The following IRX3 variants were observed in gnomAD, a reference collection of about 807,000 sequenced individuals.
IRX3 encodes the protein iroquois-class homeodomain protein IRX-3.
A neutral mutation model predicts 36.4 loss-of-function variants in IRX3; 20 were observed. The observed-to-expected ratio is 0.55, with a 90% confidence interval of 0.39 to 0.80. The LOEUF is 0.80. Among genes scored for constraint, IRX3 ranks in the 30% least tolerant of loss-of-function variants. The probability of loss-of-function intolerance (pLI) is 0.00; values close to 1 mark genes in which losing one functional copy is unlikely to be tolerated. For missense variants in IRX3, 718 were observed against 733.2 expected, an observed-to-expected ratio of 0.98 and a Z score of 0.24; for synonymous variants, 404 against 351.6, an observed-to-expected ratio of 1.15 and a Z score of -1.67.
chr16:54,283,897 T>C lies in IRX3; in HGVS notation c.1452-157A>G. 2 of 985,358 alleles carry C rather than the reference T, an allele frequency of 2.0e-6. No individual in the cohort carries two copies. Among genetic ancestry groups the C allele is most frequent in the Non-Finnish European group, 2.4e-6 (2 of 829,910 alleles). The allele number at this position is 985,358 out of a possible 1,614,324, so 61.0% of individuals were successfully genotyped here. A position where few individuals can be genotyped will look rare whatever the true frequency, so the allele number is the denominator to read the frequency against. On this transcript the variant is annotated intron_variant, in intron 3 of 3. Coordinates refer to ENST00000329734, the MANE Select transcript of IRX3 (RefSeq NM_024336.3). This position sits in a 1 kb window ranked among gnomAD's most constrained non-coding sequence, Gnocchi z 4.4. The stretch of plus-strand genomic sequence containing the variant: ...GTAGATGTGTGTGTTGGGGTTTAAC[T>C]GTAGGGTGGGCACGAGGCGTCAGGA...
Position 54,284,385 on chromosome 16 carries a change from A to T in IRX3, c.1385-73T>A, listed in dbSNP as rs1413777739. The T allele has an allele frequency of 2.6e-6, 4 of 1,509,930 alleles. No homozygotes were observed. In the East Asian group the frequency reaches 1.0e-4, roughly 39 times the overall value. 93.5% of individuals were successfully genotyped at this position (1,509,930 alleles called of 1,614,324 possible). ...GCCGGCGCCCAGGGCCGCAGAAAGC[A>T]GGAGTGGAGAGGGACGCGCGCCCTG... On this transcript the variant is annotated intron_variant, in intron 2 of 3. Coordinates refer to ENST00000329734, the MANE Select transcript of IRX3 (RefSeq NM_024336.3). This position sits in a 1 kb window ranked among gnomAD's most constrained non-coding sequence, Gnocchi z 4.0.
In IRX3 at chr16:54,285,865, G is replaced by T. The variant is rs549050456; in HGVS notation, c.186C>A (p.Ala62=). 15 of 1,542,040 alleles carry T rather than the reference G, an allele frequency of 9.7e-6. No homozygotes were observed. The South Asian group carries it at 1.8e-4, about 18-fold the overall frequency. ...GGGCGGCGGCGGCCGCAGCGGCCGC[G>T]GCGTAGGGCGCCCCGTACACGGACG... ...VLSSVYGAPY[A]AAAAAAAAQG... is the part of the protein sequence containing the mutation. The change falls in exon 1 of 4, where the codon GCC becomes GCA. Residue 62 remains alanine (A), a synonymous_variant. Coordinates refer to ENST00000329734, the MANE Select transcript of IRX3 (RefSeq NM_024336.3). This position sits in a 1 kb window ranked among gnomAD's most constrained non-coding sequence, Gnocchi z 5.7.
Position 54,285,995 on chromosome 16 carries a change from C to A in IRX3, c.56G>T (p.Arg19Leu). The A allele has an allele frequency of 1.5e-6, 2 of 1,355,328 alleles. No individual in the cohort carries two copies. The highest frequency in any genetic ancestry group is 4.0e-5 in the South Asian group (2 of 50,498). The allele number at this position is 1,355,328 out of a possible 1,614,324, so 84.0% of individuals were successfully genotyped here. A position where few individuals can be genotyped will look rare whatever the true frequency, so the allele number is the denominator to read the frequency against. ...QYIRPLYPSE[R>L]PGAAGGSGGS... ...GCCGCTGCCGCCAGCGGCCCCCGGG[C>A]GCTCGGACGGGTAAAGCGGGCGGAT... Residue 19 changes from arginine (R) to leucine (L), a missense_variant, in exon 1 of 4, where the codon CGC becomes CTC. By Grantham distance (102) the Arg-to-Leu change is moderately radical. This residue lies in a region of IRX3 where 204 missense variants were observed against 181.4 expected (regional missense o/e 1.12). Transcript: ENST00000329734. This position sits in a 1 kb window ranked among gnomAD's most constrained non-coding sequence, Gnocchi z 5.7.
Position 54,284,619 on chromosome 16 carries a change from C to T in IRX3, c.1262G>A (p.Arg421His), listed in dbSNP as rs1901267398. The T allele has an allele frequency of 1.5e-6, 2 of 1,359,854 alleles. No homozygotes were observed. The highest frequency in any genetic ancestry group is 1.7e-5 in the South Asian group (1 of 57,492). The allele number at this position is 1,359,854 out of a possible 1,614,324, so 84.2% of individuals were successfully genotyped here. ...GCCCAGCAGGGAGAGCGGGTGCAGG[C>T]GGGGGCCGGGCGGTGGGCCTGGAAA... ...RPFPGPPPGPRLHPLSLLGSA... is the reference protein window; with the variant it reads ...RPFPGPPPGPHLHPLSLLGSA... Residue 421 changes from arginine to histidine, a missense_variant, in exon 2 of 4, where the codon CGC becomes CAC. By Grantham distance (29) the Arg-to-His change is conservative. Coordinates refer to ENST00000329734, the MANE Select transcript of IRX3 (RefSeq NM_024336.3). This position sits in a 1 kb window ranked among gnomAD's most constrained non-coding sequence, Gnocchi z 4.0.
Position 54,283,490 on chromosome 16 carries a change from T to C in IRX3, c.*196A>G, listed in dbSNP as rs916428342. ...AACAAACCTCACAGCGAATGCGGGGTGCCACAGAAGCGACTTGGGGAGGGC... is the reference window on the plus strand; with the variant it reads ...AACAAACCTCACAGCGAATGCGGGGCGCCACAGAAGCGACTTGGGGAGGGC... On this transcript the variant is annotated 3_prime_UTR_variant, in exon 4 of 4. Coordinates refer to ENST00000329734, the MANE Select transcript of IRX3 (RefSeq NM_024336.3). This position sits in a 1 kb window ranked among gnomAD's most constrained non-coding sequence, Gnocchi z 4.4. 29 of 499,876 alleles carry C rather than the reference T, an allele frequency of 5.8e-5. No homozygotes were observed. The highest frequency in any genetic ancestry group is 4.4e-4 in the African/African-American group (23 of 51,934). 31.0% of individuals were successfully genotyped at this position (499,876 alleles called of 1,614,324 possible). A position where few individuals can be genotyped will look rare whatever the true frequency, so the allele number is the denominator to read the frequency against.
In IRX3 at chr16:54,284,524, G is replaced by T; in HGVS notation, c.1357C>A (p.Arg453=). The T allele has an allele frequency of 7.1e-7, 1 of 1,413,296 alleles. No homozygotes were observed. Among genetic ancestry groups the T allele is most frequent in the South Asian group, 1.6e-5 (1 of 64,352 alleles). The allele number at this position is 1,413,296 out of a possible 1,614,324, so 87.5% of individuals were successfully genotyped here. A position where few individuals can be genotyped will look rare whatever the true frequency, so the allele number is the denominator to read the frequency against. The change falls in exon 2 of 4, where the codon CGG becomes AGG. Residue 453 remains arginine (R), a synonymous_variant. Coordinates refer to ENST00000329734, the MANE Select transcript of IRX3 (RefSeq NM_024336.3). The surrounding 1 kb of genome is among the most constrained non-coding windows in gnomAD (Gnocchi z 4.0). ...GHPAAAAAFA[R]PAEPEGGTDR... is the part of the protein sequence containing the mutation. ...GTTCCGCCTTCGGGCTCCGCTGGCC[G>T]AGCGAAGGCGGCGGCGGCAGCCGGG...
rs1359573254 is a variant in IRX3 at position 54,284,412 on chromosome 16, G to GCC, written c.1384+83_1384+84dup. Reference sequence around the variant, plus strand: ...GAGTGGAGAGGGACGCGCGCCCTGCGCCCCCCGGGCCCTGCCCCTCCCGGC... The same window carrying GCC: ...GAGTGGAGAGGGACGCGCGCCCTGCGCCCCCCCCGGGCCCTGCCCCTCCCGGC... On this transcript the variant is annotated intron_variant, in intron 2 of 3. Coordinates refer to ENST00000329734, the MANE Select transcript of IRX3 (RefSeq NM_024336.3). This position sits in a 1 kb window ranked among gnomAD's most constrained non-coding sequence, Gnocchi z 4.0. 1 of 1,430,464 alleles carries GCC rather than the reference G, an allele frequency of 7.0e-7. No homozygotes were observed. The highest frequency in any genetic ancestry group is 1.5e-5 in the African/African-American group (1 of 66,302). The allele number at this position is 1,430,464 out of a possible 1,614,324, so 88.6% of individuals were successfully genotyped here.
Position 54,285,178 on chromosome 16 carries a change from C to T in IRX3, c.703G>A (p.Gly235Arg). The change falls in exon 2 of 4, where the codon GGG becomes AGG. Residue 235 changes from glycine (G) to arginine (R), a missense_variant. Coordinates refer to ENST00000329734, the MANE Select transcript of IRX3 (RefSeq NM_024336.3). This position sits in a 1 kb window ranked among gnomAD's most constrained non-coding sequence, Gnocchi z 5.7. ...TCGCCCCCCGTGTCCTCCTCCTCCCCCCCGAGCTCCTCCTCCTCCAGCTCT... is the reference window on the plus strand; with the variant it reads ...TCGCCCCCCGTGTCCTCCTCCTCCCTCCCGAGCTCCTCCTCCTCCAGCTCT... ...ELELEEEELG[G>R]EEEDTGGEGL... 2 of 1,603,120 alleles carry T rather than the reference C, an allele frequency of 1.2e-6. No homozygotes were observed. The highest frequency in any genetic ancestry group is 1.7e-6 in the Non-Finnish European group (2 of 1,174,820).
In IRX3 at chr16:54,286,081, G is replaced by T. The variant is rs1207880498; in HGVS notation, c.-31C>A. On this transcript the variant is annotated 5_prime_UTR_variant, in exon 1 of 4. Coordinates refer to ENST00000329734, the MANE Select transcript of IRX3 (RefSeq NM_024336.3). The stretch of plus-strand genomic sequence containing the variant: ...CCCGCGGGGCACGGACGGAGAGGGG[G>T]GCCGACCCCCGGGCCGCCCAGCTCA... The T allele has an allele frequency of 3.4e-4, 421 of 1,244,958 alleles. 1 individual carries two copies. The highest frequency in any genetic ancestry group is 4.4e-4 in the Admixed American group (10 of 22,580). 77.1% of individuals were successfully genotyped at this position (1,244,958 alleles called of 1,614,324 possible). A position where few individuals can be genotyped will look rare whatever the true frequency, so the allele number is the denominator to read the frequency against.
chr16:54,283,499 A>G lies in IRX3; in HGVS notation c.*187T>C. ...CACAGCGAATGCGGGGTGCCACAGA[A>G]GCGACTTGGGGAGGGCTGAGGAGGA... is the stretch of plus-strand genomic sequence containing the variant. On this transcript the variant is annotated 3_prime_UTR_variant, in exon 4 of 4. Transcript: ENST00000329734. The surrounding 1 kb of genome is among the most constrained non-coding windows in gnomAD (Gnocchi z 4.4). The G allele has an allele frequency of 2.0e-6, 1 of 509,606 alleles. No individual in the cohort carries two copies. The highest frequency in any genetic ancestry group is 3.2e-5 in the Admixed American group (1 of 30,950). The allele number at this position is 509,606 out of a possible 1,614,324, so 31.6% of individuals were successfully genotyped here.
At position 54,283,531 on chromosome 16, in the gene IRX3, T is replaced by G; in HGVS notation, c.*155A>C. ...TGGGGAGGGCTGAGGAGGACTGGTT[T>G]TATTTCTTTTTCTTACTTTCTTTGT... On this transcript the variant is annotated 3_prime_UTR_variant, in exon 4 of 4. Transcript: ENST00000329734. The surrounding 1 kb of genome is among the most constrained non-coding windows in gnomAD (Gnocchi z 4.4). 1.8e-6 allele frequency: 1 copy of G among 556,894 alleles called. No homozygotes were observed. The highest frequency in any genetic ancestry group is 3.3e-6 in the Non-Finnish European group (1 of 305,332). 34.5% of individuals were successfully genotyped at this position (556,894 alleles called of 1,614,324 possible).
chr16:54,284,074 T>C lies in IRX3; in HGVS notation c.1451+172A>G. 1 of 1,157,056 alleles carries C rather than the reference T, an allele frequency of 8.6e-7. No homozygotes were observed. The highest frequency in any genetic ancestry group is 1.6e-5 in the South Asian group (1 of 61,740). 71.7% of individuals were successfully genotyped at this position (1,157,056 alleles called of 1,614,324 possible). On this transcript the variant is annotated intron_variant, in intron 3 of 3. Coordinates refer to ENST00000329734, the MANE Select transcript of IRX3 (RefSeq NM_024336.3). The surrounding 1 kb of genome is among the most constrained non-coding windows in gnomAD (Gnocchi z 4.0). ...GGTGCCTGGGCTGGACCTGGAGAGC[T>C]GTCGCAGGGCCGACAGGGGCGACTG...
rs1901314138 is a variant in IRX3, at chr16:54,285,684, C to T, written c.268-71G>A. ...AGTGAGCCCCAGCCATCGCTGCCTC[C>T]CCCCTCCTGGCCTGCACCCCTCTAG... is the stretch of plus-strand genomic sequence containing the variant. On this transcript the variant is annotated intron_variant, in intron 1 of 3. Transcript: ENST00000329734. This position sits in a 1 kb window ranked among gnomAD's most constrained non-coding sequence, Gnocchi z 5.7. The T allele has an allele frequency of 1.4e-6, 2 of 1,461,800 alleles. No homozygotes were observed. Among genetic ancestry groups the T allele is most frequent in the Non-Finnish European group, 1.8e-6 (2 of 1,111,508 alleles). The allele number at this position is 1,461,800 out of a possible 1,614,324, so 90.6% of individuals were successfully genotyped here.
Position 54,284,419 on chromosome 16 carries a change from G to A in IRX3, c.1384+78C>T. The A allele has an allele frequency of 2.1e-6, 3 of 1,429,830 alleles. No individual in the cohort carries two copies. Among genetic ancestry groups the A allele is most frequent in the Non-Finnish European group, 2.7e-6 (3 of 1,098,698 alleles). The allele number at this position is 1,429,830 out of a possible 1,614,324, so 88.6% of individuals were successfully genotyped here. A position where few individuals can be genotyped will look rare whatever the true frequency, so the allele number is the denominator to read the frequency against. ...GAGGGACGCGCGCCCTGCGCCCCCC[G>A]GGCCCTGCCCCTCCCGGCCAGCTCC... On this transcript the variant is annotated intron_variant, in intron 2 of 3. Coordinates refer to ENST00000329734, the MANE Select transcript of IRX3 (RefSeq NM_024336.3). This position sits in a 1 kb window ranked among gnomAD's most constrained non-coding sequence, Gnocchi z 4.0.
chr16:54,284,232 T>C lies in IRX3; in HGVS notation c.1451+14A>G. On this transcript the variant is annotated intron_variant, in intron 3 of 3. Coordinates refer to ENST00000329734, the MANE Select transcript of IRX3 (RefSeq NM_024336.3). This position sits in a 1 kb window ranked among gnomAD's most constrained non-coding sequence, Gnocchi z 4.0. ...AGCCAGTCCCCCTGGCCCCTCAACC[T>C]CGGGGTTTCTTACCGCCTGGGCACG... 1 of 1,609,104 alleles carries C rather than the reference T, an allele frequency of 6.2e-7. No individual in the cohort carries two copies. The highest frequency in any genetic ancestry group is 8.5e-7 in the Non-Finnish European group (1 of 1,177,178).
In IRX3 at chr16:54,285,317, C is replaced by T. The variant is rs778533187; in HGVS notation, c.564G>A (p.Glu188=). Residue 188 remains glutamate (E), a synonymous_variant, in exon 2 of 4, where the codon GAG becomes GAA. Transcript: ENST00000329734. The surrounding 1 kb of genome is among the most constrained non-coding windows in gnomAD (Gnocchi z 5.7). ...TGCGAGGCGCCCAAGTCATCTTATT[C>T]TCCTTCTTGAGGCGCCGGCGCGCGT... ...FANARRRLKK[E]NKMTWAPRSR... 7 of 1,614,070 alleles carry T rather than the reference C, an allele frequency of 4.3e-6. No individual in the cohort carries two copies. In the East Asian group the frequency reaches 6.7e-5, roughly 15 times the overall value.
Position 54,284,076 on chromosome 16 carries a change from T to A in IRX3, c.1451+170A>T, listed in dbSNP as rs1901247124. ...TGCCTGGGCTGGACCTGGAGAGCTG[T>A]CGCAGGGCCGACAGGGGCGACTGAA... On this transcript the variant is annotated intron_variant, in intron 3 of 3. Coordinates refer to ENST00000329734, the MANE Select transcript of IRX3 (RefSeq NM_024336.3). The surrounding 1 kb of genome is among the most constrained non-coding windows in gnomAD (Gnocchi z 4.0). 2 of 1,149,584 alleles carry A rather than the reference T, an allele frequency of 1.7e-6. No homozygotes were observed. Among genetic ancestry groups the A allele is most frequent in the African/African-American group, 1.6e-5 (1 of 63,748 alleles). 71.2% of individuals were successfully genotyped at this position (1,149,584 alleles called of 1,614,324 possible).
Position 54,285,054 on chromosome 16 carries a change from C to T in IRX3, c.827G>A (p.Arg276Lys). 1 of 1,613,952 alleles carries T rather than the reference C, an allele frequency of 6.2e-7. No homozygotes were observed. Among genetic ancestry groups the T allele is most frequent in the Non-Finnish European group, 8.5e-7 (1 of 1,180,000 alleles). ...GGGTCCCAGGCCTAGGTCGCCATCC[C>T]TGCGCGCCGCCCCAGCCAGGGACAG... is the stretch of plus-strand genomic sequence containing the variant. ...PELSLAGAARRDGDLGLGPIS... is the reference protein window; with the variant it reads ...PELSLAGAARKDGDLGLGPIS... Residue 276 changes from arginine to lysine, a missense_variant, in exon 2 of 4, where the codon AGG (arginine) becomes AAG (lysine). By Grantham distance (26) the Arg-to-Lys change is conservative. This residue lies in a region of IRX3 where 468 missense variants were observed against 462.1 expected (regional missense o/e 1.01). Coordinates refer to ENST00000329734, the MANE Select transcript of IRX3 (RefSeq NM_024336.3). The surrounding 1 kb of genome is among the most constrained non-coding windows in gnomAD (Gnocchi z 5.7).
At position 54,286,136 on chromosome 16, in the gene IRX3, G is replaced by C; in HGVS notation, c.-86C>G. Reference sequence around the variant, plus strand: ...CGCCCGCGGGCTCCGGCGCGCATCGGGGGCTGGGCCGGGCTTGGGGCCGCG... The same window carrying C: ...CGCCCGCGGGCTCCGGCGCGCATCGCGGGCTGGGCCGGGCTTGGGGCCGCG... On this transcript the variant is annotated 5_prime_UTR_variant, in exon 1 of 4. Transcript: ENST00000329734. 1.7e-6 allele frequency: 2 copies of C among 1,148,302 alleles called. No individual in the cohort carries two copies. The highest frequency in any genetic ancestry group is 2.2e-6 in the Non-Finnish European group (2 of 928,814). The allele number at this position is 1,148,302 out of a possible 1,614,324, so 71.1% of individuals were successfully genotyped here. A position where few individuals can be genotyped will look rare whatever the true frequency, so the allele number is the denominator to read the frequency against.
Sources: gnomAD v4.1 joint callset for allele counts on GRCh38, gnomAD v4.1.1 for gene constraint, gnomAD v4.1.1 regional missense constraint, Gnocchi (gnomAD v3.1) non-coding constraint, MANE v1.5 for transcripts, NCBI Gene and HGNC (gene_info 2026-07-23, HGNC 2026-07-21) for gene names.